TAS1R3: variants seen among roughly 807,000 people sequenced by gnomAD.
TAS1R3 encodes taste 1 receptor member 3, also known as taste receptor type 1 member 3.
In TAS1R3, 58 loss-of-function variants were observed where a neutral mutation model predicts 46.1. The ratio of observed to expected loss-of-function variants is 1.26; its 90% CI spans 1.02 to 1.57. The LOEUF (loss-of-function observed/expected upper bound fraction) is 1.57, where lower values mean the gene tolerates loss of function less well. TAS1R3 is among the 40% of genes most tolerant of loss of function. The pLI, the probability that TAS1R3 is intolerant of heterozygous loss-of-function variation, is 0.00. For synonymous variants in TAS1R3, 724 were observed against 544.7 expected, an observed-to-expected ratio of 1.33 and a Z score of -4.58; for missense variants, 1,422 against 1,185.8, an observed-to-expected ratio of 1.20 and a Z score of -2.93.
rs999195224 is a variant in TAS1R3, at chr1:1,333,529, G to A, written c.1624G>A (p.Gly542Ser). ...NPDDIACTFC[G>S]QDEWSPERST... ...AGACGACATCGCCTGCACCTTTTGT[G>A]GCCAGGATGAGTGGTCCCCGGAGCG... Residue 542 changes from glycine to serine, a missense_variant, in exon 6 of 6, where the codon GGC becomes AGC. Physicochemically the swap from Gly to Ser is moderately conservative, Grantham distance 56. Transcript: ENST00000339381. The A allele has an allele frequency of 3.7e-6, 6 of 1,602,692 alleles. No individual in the cohort carries two copies. The highest frequency in any genetic ancestry group is 1.3e-5 in the African/African-American group (1 of 75,042).
rs1010340329 is a variant in TAS1R3 at position 1,334,751 on chromosome 1, G to A, written c.*287G>A. ...GGAAAGAGGCCCGGAGGGCTCCCAG[G>A]GTACCCGCAACCCACACCGTGAGCT... On this transcript the variant is annotated 3_prime_UTR_variant, in exon 6 of 6. Transcript: ENST00000339381. The A allele has an allele frequency of 1.4e-5, 5 of 367,146 alleles. No homozygotes were observed. Among genetic ancestry groups the A allele is most frequent in the East Asian group, 8.9e-5 (2 of 22,424 alleles). The allele number at this position is 367,146 out of a possible 1,614,324, so 22.7% of individuals were successfully genotyped here. A position where few individuals can be genotyped will look rare whatever the true frequency, so the allele number is the denominator to read the frequency against.
chr1:1,332,943 T>C lies in TAS1R3; in HGVS notation c.1298T>C (p.Leu433Pro), dbSNP rs373307024. The change falls in exon 4 of 6, where the codon CTG (leucine) becomes CCG (proline). Residue 433 changes from leucine (L) to proline (P), a missense_variant. Physicochemically the swap from Leu to Pro is moderately conservative, Grantham distance 98. Transcript: ENST00000339381. ...CAGCTCCTGGAGAACATGTACAACC[T>C]GACCTTCCACGTGGGCGGGCTGCCG... Reference protein sequence around the residue: ...PWQLLENMYNLTFHVGGLPLR... With the variant: ...PWQLLENMYNPTFHVGGLPLR... 6.5e-5 allele frequency: 104 copies of C among 1,611,310 alleles called. No individual in the cohort carries two copies. The East Asian group carries it at 1.1e-3, about 17-fold the overall frequency.
In TAS1R3 at chr1:1,334,343, G is replaced by A. The variant is rs34810828; in HGVS notation, c.2438G>A (p.Arg813Lys). 1.2e-6 allele frequency: 2 copies of A among 1,611,856 alleles called. No homozygotes were observed. Among genetic ancestry groups the A allele is most frequent in the Admixed American group, 1.7e-5 (1 of 59,936 alleles). The stretch of plus-strand genomic sequence containing the variant: ...ATCCTGGCTGCCTTCCACCTGCCCA[G>A]GTGTTACCTGCTCATGCGGCAGCCA... ...LGILAAFHLP[R>K]CYLLMRQPGL... The change falls in exon 6 of 6, where the codon AGG becomes AAG. Residue 813 changes from arginine to lysine, a missense_variant. By Grantham distance (26) the Arg-to-Lys change is conservative. Coordinates refer to ENST00000339381, the MANE Select transcript of TAS1R3 (RefSeq NM_152228.3).
rs888402062 is a variant in TAS1R3, at chr1:1,331,441, G to A, written c.96G>A (p.Lys32=). The change falls in exon 1 of 6, where the codon AAG becomes AAA. Residue 32 remains lysine (K), a synonymous_variant. Transcript: ENST00000339381. ...GCCTGTCACAGCAACTTAGGATGAA[G>A]GGGGACTACGTGCTGGGGGGGCTGT... ...PLCLSQQLRM[K]GDYVLGGLFP... 8 of 1,604,140 alleles carry A rather than the reference G, an allele frequency of 5.0e-6. No homozygotes were observed. The highest frequency in any genetic ancestry group is 2.7e-5 in the African/African-American group (2 of 74,328).
Position 1,335,313 on chromosome 1 carries a change from A to G in TAS1R3, c.*849A>G, listed in dbSNP as rs1166881089. 1 of 152,260 alleles carries G rather than the reference A, an allele frequency of 6.6e-6. No individual in the cohort carries two copies. The highest frequency in any genetic ancestry group is 2.4e-5 in the African/African-American group (1 of 41,464). 9.4% of individuals were successfully genotyped at this position (152,260 alleles called of 1,614,324 possible). A position where few individuals can be genotyped will look rare whatever the true frequency, so the allele number is the denominator to read the frequency against. ...TTAAACGCTTTTTAGTGTTTAAAAT[A>G]AGCAGCATTTACACAGAAGCAGCTC... On this transcript the variant is annotated 3_prime_UTR_variant, in exon 6 of 6. Coordinates refer to ENST00000339381, the MANE Select transcript of TAS1R3 (RefSeq NM_152228.3).
In TAS1R3 at chr1:1,334,413, T is replaced by C; in HGVS notation, c.2508T>C (p.Asp836=). ...TCTTCCTGGGAGGGGGCCCTGGGGA[T>C]GCCCAAGGCCAGAATGACGGGAACA... ...PEFFLGGGPG[D]AQGQNDGNTG... is the part of the protein sequence containing the mutation. The change falls in exon 6 of 6, where the codon GAT becomes GAC. Residue 836 remains aspartate, a synonymous_variant. Coordinates refer to ENST00000339381, the MANE Select transcript of TAS1R3 (RefSeq NM_152228.3). 4.4e-6 allele frequency: 7 copies of C among 1,604,618 alleles called. No homozygotes were observed. Among genetic ancestry groups the C allele is most frequent in the Non-Finnish European group, 6.0e-6 (7 of 1,175,350 alleles).
Position 1,333,252 on chromosome 1 carries a change from T to C in TAS1R3, c.1480-7T>C, listed in dbSNP as rs1643472308. On this transcript the variant is annotated splice_region_variant and splice_polypyrimidine_tract_variant and intron_variant, in intron 4 of 5. Coordinates refer to ENST00000339381, the MANE Select transcript of TAS1R3 (RefSeq NM_152228.3). ...CGAGCAGAGCCAGACCCCAGGCCTGTGCGCAGAAGCCCGTGTCCCGGTGCT... is the reference window on the plus strand; with the variant it reads ...CGAGCAGAGCCAGACCCCAGGCCTGCGCGCAGAAGCCCGTGTCCCGGTGCT... The C allele has an allele frequency of 8.1e-6, 13 of 1,598,450 alleles. No individual in the cohort carries two copies. The highest frequency in any genetic ancestry group is 1.1e-5 in the Non-Finnish European group (13 of 1,175,186).
Position 1,333,617 on chromosome 1 carries a change from T to A in TAS1R3, c.1712T>A (p.Leu571Gln), listed in dbSNP as rs750361654. Reference sequence around the variant, plus strand: ...GCATGGGGCGAGCCGGCTGTGCTGCTGCTGCTCCTGCTGCTGAGCCTGGCG... The same window carrying A: ...GCATGGGGCGAGCCGGCTGTGCTGCAGCTGCTCCTGCTGCTGAGCCTGGCG... ...FLAWGEPAVL[L>Q]LLLLLSLALG... The change falls in exon 6 of 6, where the codon CTG becomes CAG. Residue 571 changes from leucine (L) to glutamine (Q), a missense_variant. Coordinates refer to ENST00000339381, the MANE Select transcript of TAS1R3 (RefSeq NM_152228.3). 10 of 1,610,686 alleles carry A rather than the reference T, an allele frequency of 6.2e-6. No individual in the cohort carries two copies. The highest frequency in any genetic ancestry group is 8.5e-7 in the Non-Finnish European group (1 of 1,179,774).
chr1:1,332,089 C>A lies in TAS1R3; in HGVS notation c.558C>A (p.Thr186=). The A allele has an allele frequency of 1.2e-6, 2 of 1,601,506 alleles. No homozygotes were observed. The highest frequency in any genetic ancestry group is 1.7e-6 in the Non-Finnish European group (2 of 1,179,858). The part of the protein sequence containing the change: ...ARETFPSFFR[T]VPSDRVQLTA... ...AGACCTTCCCCTCCTTCTTCCGCAC[C>A]GTGCCCAGCGACCGTGTGCAGCTGA... The change falls in exon 3 of 6, where the codon ACC becomes ACA. Residue 186 remains threonine, a synonymous_variant. Coordinates refer to ENST00000339381, the MANE Select transcript of TAS1R3 (RefSeq NM_152228.3).
Position 1,331,986 on chromosome 1 carries a change from GAGCCCCTGTGTC to G in TAS1R3, c.493-35_493-24del. 3 of 1,609,734 alleles carry G rather than the reference GAGCCCCTGTGTC, an allele frequency of 1.9e-6. No individual in the cohort carries two copies. In the South Asian group the frequency reaches 3.3e-5, roughly 18 times the overall value. On this transcript the variant is annotated intron_variant, in intron 2 of 5. Transcript: ENST00000339381. Reference sequence around the variant, plus strand: ...CACCCCCACCCAGCCCTGCCCGTGGGAGCCCCTGTGTCAGGAGATGCCTCTTGGCCCTTGCAG... The same window carrying G: ...CACCCCCACCCAGCCCTGCCCGTGGGAGGAGATGCCTCTTGGCCCTTGCAG...
rs750322359 is a variant in TAS1R3 at position 1,333,657 on chromosome 1, G to C, written c.1752G>C (p.Leu584=). 66 of 1,612,016 alleles carry C rather than the reference G, an allele frequency of 4.1e-5. No homozygotes were observed. Among genetic ancestry groups the C allele is most frequent in the Non-Finnish European group, 7.6e-6 (9 of 1,179,932 alleles). ...LLLSLALGLV[L]AALGLFVHHR... ...TGAGCCTGGCGCTGGGCCTTGTGCT[G>C]GCTGCTTTGGGGCTGTTCGTTCACC... Residue 584 remains leucine, a synonymous_variant, in exon 6 of 6, where the codon CTG becomes CTC. Transcript: ENST00000339381.
Position 1,331,770 on chromosome 1 carries a change from G to A in TAS1R3, c.324G>A (p.Val108=). The change falls in exon 2 of 6, where the codon GTG becomes GTA. Residue 108 remains valine, a synonymous_variant. Coordinates refer to ENST00000339381, the MANE Select transcript of TAS1R3 (RefSeq NM_152228.3). The part of the protein sequence containing the change: ...DLFDTCSEPV[V]AMKPSLMFLA... The stretch of plus-strand genomic sequence containing the variant: ...TTGATACGTGCTCGGAGCCTGTGGT[G>A]GCCATGAAGCCCAGCCTCATGTTCC... 6.2e-7 allele frequency: 1 copy of A among 1,612,910 alleles called. No individual in the cohort carries two copies.
In TAS1R3 at chr1:1,334,072, C is replaced by T. The variant is rs750646328; in HGVS notation, c.2167C>T (p.Arg723Cys). Residue 723 changes from arginine (R) to cysteine (C), a missense_variant, in exon 6 of 6, where the codon CGC becomes TGC. Arg to Cys is a radical substitution (Grantham distance 180, BLOSUM62 -3). Coordinates refer to ENST00000339381, the MANE Select transcript of TAS1R3 (RefSeq NM_152228.3). ...MLPTEALVHCRTRSWVSFGLA... is the reference protein window; with the variant it reads ...MLPTEALVHCCTRSWVSFGLA... ...GCCCACGGAGGCGCTGGTGCACTGC[C>T]GCACACGCTCCTGGGTCAGCTTCGG... The T allele has an allele frequency of 2.8e-5, 44 of 1,597,440 alleles. No individual in the cohort carries two copies. Among genetic ancestry groups the T allele is most frequent in the Non-Finnish European group, 3.2e-5 (38 of 1,175,216 alleles).
rs756863994 is a variant in TAS1R3 at position 1,331,876 on chromosome 1, C to T, written c.430C>T (p.Pro144Ser). 2.8e-5 allele frequency: 45 copies of T among 1,612,754 alleles called. No homozygotes were observed. The South Asian group carries it at 3.0e-4, about 11-fold the overall frequency. ...GCCCCGTGTGCTGGCTGTCATCGGG[C>T]CCCACTCGTCAGAGCTCGCCATGGT... is the stretch of plus-strand genomic sequence containing the variant. ...YQPRVLAVIG[P>S]HSSELAMVTG... The change falls in exon 2 of 6, where the codon CCC becomes TCC. Residue 144 changes from proline to serine, a missense_variant. By Grantham distance (74) the Pro-to-Ser change is moderately conservative. Coordinates refer to ENST00000339381, the MANE Select transcript of TAS1R3 (RefSeq NM_152228.3).
rs372719375 is a variant in TAS1R3 at position 1,332,191 on chromosome 1, G to T, written c.660G>T (p.Arg220=). 1.3e-6 allele frequency: 2 copies of T among 1,595,562 alleles called. No homozygotes were observed. The highest frequency in any genetic ancestry group is 8.5e-7 in the Non-Finnish European group (1 of 1,177,726). The change falls in exon 3 of 6, where the codon CGG becomes CGT. Residue 220 remains arginine, a synonymous_variant. Transcript: ENST00000339381. Reference sequence around the variant, plus strand: ...TGGGCAGCGACGACGAGTACGGCCGGCAGGGCCTGAGCATCTTCTCGGCCC... The same window carrying T: ...TGGGCAGCGACGACGAGTACGGCCGTCAGGGCCTGAGCATCTTCTCGGCCC... ...AALGSDDEYG[R]QGLSIFSALA... is the part of the protein sequence containing the mutation.
chr1:1,331,803 G>C lies in TAS1R3; in HGVS notation c.357G>C (p.Lys119Asn). 6.2e-7 allele frequency: 1 copy of C among 1,612,848 alleles called. No individual in the cohort carries two copies. Among genetic ancestry groups the C allele is most frequent in the South Asian group, 1.1e-5 (1 of 91,092 alleles). Residue 119 changes from lysine (K) to asparagine (N), a missense_variant, in exon 2 of 6, where the codon AAG becomes AAC. Lys to Asn is a moderately conservative substitution (Grantham distance 94). Transcript: ENST00000339381. ...AGCCCAGCCTCATGTTCCTGGCCAA[G>C]GCAGGCAGCCGCGACATCGCCGCCT... ...AMKPSLMFLA[K>N]AGSRDIAAYC... is the part of the protein sequence containing the mutation.
Position 1,332,478 on chromosome 1 carries a change from C to T in TAS1R3, c.947C>T (p.Ala316Val), listed in dbSNP as rs1569643919. The T allele has an allele frequency of 3.1e-6, 5 of 1,610,096 alleles. No homozygotes were observed. Among genetic ancestry groups the T allele is most frequent in the Middle Eastern group, 1.6e-4 (1 of 6,082 alleles). ...SDLVMGLPGM[A>V]QMGTVLGFLQ... The stretch of plus-strand genomic sequence containing the variant: ...CTGGTCATGGGGCTGCCCGGCATGG[C>T]CCAGATGGGCACGGTGCTTGGCTTC... The change falls in exon 3 of 6, where the codon GCC (alanine) becomes GTC (valine). Residue 316 changes from alanine (A) to valine (V), a missense_variant. Coordinates refer to ENST00000339381, the MANE Select transcript of TAS1R3 (RefSeq NM_152228.3).
chr1:1,333,443 ACT>A (rs1643477184), intron 5 of TAS1R3, 61 bp from the exon 6 acceptor site: 2 of 1,606,286 alleles, frequency 1.2e-6, no homozygotes, highest in Admixed American at 1.7e-5. Flanking sequence ...CCAAGTCCTG[ACT>A]CTGAGACCAG....
chr1:1,332,975 T>G lies in TAS1R3; in HGVS notation c.1330T>G (p.Phe444Val). Reference sequence around the variant, plus strand: ...CCACGTGGGCGGGCTGCCGCTGCGGTTCGACAGCAGCGGAAACGTGGACAT... The same window carrying G: ...CCACGTGGGCGGGCTGCCGCTGCGGGTCGACAGCAGCGGAAACGTGGACAT... The part of the protein sequence containing the change: ...TFHVGGLPLR[F>V]DSSGNVDMEY... The change falls in exon 4 of 6, where the codon TTC (phenylalanine) becomes GTC (valine). Residue 444 changes from phenylalanine (F) to valine (V), a missense_variant. Coordinates refer to ENST00000339381, the MANE Select transcript of TAS1R3 (RefSeq NM_152228.3). 2 of 1,612,322 alleles carry G rather than the reference T, an allele frequency of 1.2e-6. No homozygotes were observed. Among genetic ancestry groups the G allele is most frequent in the East Asian group, 4.5e-5 (2 of 44,848 alleles).
Sources: gnomAD v4.1 joint callset for allele counts on GRCh38, gnomAD v4.1.1 for gene constraint, MANE v1.5 for transcripts, NCBI Gene and HGNC (gene_info 2026-07-23, HGNC 2026-07-21) for gene names.